Variants in SCFD1 observed in about 807,000 individuals in gnomAD.
SCFD1 encodes sec1 family domain containing 1.
Under a neutral mutation model 103.2 loss-of-function variants are expected in SCFD1, and 37 were observed. The ratio of observed to expected loss-of-function variants is 0.36; its 90% CI spans 0.28 to 0.47. SCFD1 has a LOEUF of 0.47. Among genes scored for constraint, SCFD1 ranks in the 20% least tolerant of loss-of-function variants. The pLI is 1.00. For synonymous variants in SCFD1, 264 were observed against 245.0 expected, an observed-to-expected ratio of 1.08 and a Z score of -0.73; for missense variants, 639 against 761.2, an observed-to-expected ratio of 0.84 and a Z score of 1.89.
chr14:30,675,150 C>T, intron 14 of SCFD1, 85 bp downstream of exon 14: 1 of 596,328 alleles, frequency 1.7e-6, no homozygotes, highest in Non-Finnish European at 2.9e-6. Flanking sequence ...TATTCATTAT[C>T]TTATTGAGTC....
chr14:30,699,530 C>T (rs746749438), intron 15 of SCFD1, among the ~76,000 whole-genome samples: 2 of 152,106 alleles, frequency 1.3e-5, no homozygotes, highest in Non-Finnish European at 2.9e-5. Flanking sequence ...GCACTGCAAG[C>T]AAGACATTAC....
rs1746956762 is a variant in SCFD1 at position 30,626,277 on chromosome 14, TAAC to T, written c.62-1930_62-1928del. 2.0e-5 allele frequency among the ~76,000 whole-genome samples: 3 copies of T among 152,216 alleles called. No homozygotes were observed. The East Asian group carries it at 5.8e-4, about 29-fold the overall frequency. On this transcript the variant is annotated intron_variant, in intron 1 of 24. Coordinates refer to ENST00000458591, the MANE Select transcript of SCFD1 (RefSeq NM_016106.4). ...GTATTTTTGGCTGGACATTAGGTAA[TAAC>T]ATTTTACCAAAAATTATGTCTGTAG...
intron 1 of SCFD1, among the ~76,000 whole-genome samples, chr14:30,627,745 G>GGAAA (rs1883641603): frequency 1.3e-5 from 1 of 79,474 alleles, no homozygotes; most frequent in South Asian, 4.2e-4. Flanking sequence ...CTCTGTCTCA[G>GGAAA]AAAAAAAAAA....
At chr14:30,700,546 C>T (rs1055107171) in intron 16 of SCFD1, among the ~76,000 whole-genome samples, 15 of 152,050 alleles carry the variant, frequency 9.9e-5, no homozygotes, top group Admixed American at 8.5e-4. Context: ...TGGTGGCGTG[C>T]GCCTGTAATC....
intron 14 of SCFD1, among the ~76,000 whole-genome samples, chr14:30,684,210 T>G (rs1889736514): frequency 6.6e-6 from 1 of 152,214 alleles, no homozygotes; most frequent in African/African-American, 2.4e-5. Context: ...GAGACAAGTC[T>G]ATGTTACCCA....
intron 4 of SCFD1, among the ~76,000 whole-genome samples, chr14:30,635,622 T>C (rs1884643083): frequency 1.3e-5 from 2 of 152,162 alleles, no homozygotes; most frequent in African/African-American, 2.4e-5. Context: ...TATATTCCAT[T>C]GTATGGATGT....
At chr14:30,642,402 G>A (rs918610749) in intron 6 of SCFD1, among the ~76,000 whole-genome samples, 1 of 152,120 alleles carries the variant, frequency 6.6e-6, no homozygotes, top group Non-Finnish European at 1.5e-5. Flanking sequence ...AAAATTATAG[G>A]TTTTTTAGAA....
intron 8 of SCFD1, 31 bp from the exon 9 acceptor site, chr14:30,650,534 T>G (rs943504497): frequency 7.9e-7 from 1 of 1,265,274 alleles, no homozygotes; most frequent in Admixed American, 1.7e-5. Context: ...TATGAAACTG[T>G]TAAGAGTTAA....
chr14:30,684,456 C>T (rs914635901), intron 14 of SCFD1, among the ~76,000 whole-genome samples: 3 of 152,114 alleles, frequency 2.0e-5, no homozygotes, highest in Admixed American at 1.3e-4. Flanking sequence ...TATGTATGTG[C>T]GCACAGCATG....
chr14:30,685,118 T>A (rs1473860760), intron 14 of SCFD1, among the ~76,000 whole-genome samples: 4 of 25,780 alleles, frequency 1.6e-4, no homozygotes, highest in African/African-American at 1.0e-3. Context: ...ATTTCATCCA[T>A]GTCCCTACAA....
chr14:30,664,579 A>T (rs1016325067), intron 10 of SCFD1, among the ~76,000 whole-genome samples: 1 of 152,154 alleles, frequency 6.6e-6, no homozygotes, highest in Admixed American at 6.5e-5. Flanking sequence ...CAGAAAGTCG[A>T]TAATAACAAG....
Position 30,644,152 on chromosome 14 carries a change from C to G in SCFD1, c.613+747C>G. 9.2e-6 allele frequency: 3 copies of G among 327,318 alleles called. 1 individual carries two copies. Among genetic ancestry groups the G allele is most frequent in the South Asian group, 7.8e-5 (3 of 38,666 alleles). 20.3% of individuals were successfully genotyped at this position (327,318 alleles called of 1,614,324 possible). ...TTAGAATAATGACCTCCAGCTATAT[C>G]TATGTTGCTGCAAAGCATATGATTT... On this transcript the variant is annotated intron_variant, in intron 7 of 24. Transcript: ENST00000458591.
At position 30,692,726 on chromosome 14, in the gene SCFD1, AAGTT is replaced by A. The variant is rs1468776378; in HGVS notation, c.1243-2042_1243-2039del. ...AGGTTAGCTGGATCAGAGGGCCTGA[AAGTT>A]AGTTTAACAGCTTATTTTAGCACCT... On this transcript the variant is annotated intron_variant, in intron 14 of 24. Coordinates refer to ENST00000458591, the MANE Select transcript of SCFD1 (RefSeq NM_016106.4). Among the ~76,000 whole-genome samples the A allele has an allele frequency of 5.3e-5, 8 of 152,316 alleles. No individual in the cohort carries two copies. The East Asian group carries it at 1.4e-3, about 26-fold the overall frequency.
chr14:30,734,194 A>T (rs1000418514), intron 23 of SCFD1, among the ~76,000 whole-genome samples: 1 of 152,232 alleles, frequency 6.6e-6, no homozygotes, highest in African/African-American at 2.4e-5. Context: ...TACAAAAGAA[A>T]TCTCATGAAT....
intron 7 of SCFD1, among the ~76,000 whole-genome samples, chr14:30,648,703 G>A (rs2139091216): frequency 6.6e-6 from 1 of 152,282 alleles, no homozygotes; most frequent in African/African-American, 2.4e-5. Flanking sequence ...CTTGAGCTCA[G>A]ACCAGCCTGG....
rs569973500 is a variant in SCFD1, at chr14:30,634,644, G to A, written c.312+607G>A. ...ATATTGCCTTTCTAACTTATATAGG[G>A]TTTTCCTTTTCTAAAATAAGGGTGA... On this transcript the variant is annotated intron_variant, in intron 4 of 24. Transcript: ENST00000458591. Among the ~76,000 whole-genome samples the A allele has an allele frequency of 4.6e-5, 7 of 152,228 alleles. No homozygotes were observed. The East Asian group carries it at 1.4e-3, about 29-fold the overall frequency.
chr14:30,631,965 T>C (rs1345146067), intron 3 of SCFD1, among the ~76,000 whole-genome samples: 2 of 150,480 alleles, frequency 1.3e-5, no homozygotes, highest in African/African-American at 4.9e-5. Flanking sequence ...GGACAATTGC[T>C]TGAACCCAGG....
At position 30,675,042 on chromosome 14, in the gene SCFD1, A is replaced by G; in HGVS notation, c.1219A>G (p.Thr407Ala). The change falls in exon 14 of 25, where the codon ACT becomes GCT. Residue 407 changes from threonine to alanine, a missense_variant. By Grantham distance (58) the Thr-to-Ala change is moderately conservative. Transcript: ENST00000458591. ...RLIDLHTNVA[T>A]AVLEHIKARK... is the part of the protein sequence containing the mutation. The stretch of plus-strand genomic sequence containing the variant: ...TATTGATCTCCATACAAATGTTGCC[A>G]CTGCTGTTTTAGAACATATAAAGGT... 2 of 1,588,778 alleles carry G rather than the reference A, an allele frequency of 1.3e-6. No individual in the cohort carries two copies. The highest frequency in any genetic ancestry group is 1.7e-6 in the Non-Finnish European group (2 of 1,168,408).
chr14:30,696,930 G>A (rs1365973196), intron 15 of SCFD1, among the ~76,000 whole-genome samples: 1 of 152,172 alleles, frequency 6.6e-6, no homozygotes, highest in Non-Finnish European at 1.5e-5. Flanking sequence ...ATTGTCAGAG[G>A]AGGAATTTAT....
Sources: allele counts gnomAD v4.1 joint callset (sites outside exome capture counted in the v4.1 genomes callset), GRCh38; gene constraint gnomAD v4.1.1; transcripts MANE v1.5; gene names NCBI Gene and HGNC (gene_info 2026-07-23, HGNC 2026-07-21).